VPS35L: variants seen among roughly 807,000 people sequenced by gnomAD.
VPS35L encodes the protein VPS35 endosomal protein sorting factor like.
A neutral mutation model predicts 133.0 loss-of-function variants in VPS35L; 83 were observed. The observed-to-expected ratio is 0.62, with a 90% CI of 0.52 to 0.75. The LOEUF is 0.75. Ranked by LOEUF, VPS35L falls within the 30% of genes least tolerant of loss-of-function variation. The pLI, the probability that VPS35L is intolerant of heterozygous loss-of-function variation, is 0.00. For synonymous variants in VPS35L, 423 were observed against 449.9 expected (o/e 0.94, Z 0.76); for missense variants, 1,083 against 1,206.8 (o/e 0.90, Z 1.52).
intron 26 of VPS35L, among the ~76,000 whole-genome samples, chr16:19,661,950 T>C (rs1191682839): frequency 1.3e-5 from 2 of 152,218 alleles, no homozygotes; most frequent in Non-Finnish European, 2.9e-5. Flanking sequence ...AGCAAACTTG[T>C]ATTGCCTTTG....
chr16:19,591,331 T>C (rs1176335798), intron 7 of VPS35L, among the ~76,000 whole-genome samples: 2 of 152,214 alleles, frequency 1.3e-5, no homozygotes, highest in Non-Finnish European at 2.9e-5. Flanking sequence ...TTCACTTCTC[T>C]CAGTGATTTT....
chr16:19,601,155 C>G (rs1384140305), intron 8 of VPS35L, among the ~76,000 whole-genome samples: 2 of 152,216 alleles, frequency 1.3e-5, no homozygotes, highest in Non-Finnish European at 2.9e-5. Context: ...TCTTGAACTC[C>G]TGGGCTCAAG....
At chr16:19,565,004 G>A in intron 2 of VPS35L, 54 bp downstream of exon 2, 1 of 1,372,472 alleles carries the variant, frequency 7.3e-7, no homozygotes, top group Non-Finnish European at 1.0e-6. Context: ...TGAAATGAAA[G>A]ACAATCTTCC....
chr16:19,562,172 C>T (rs762498500), intron 1 of VPS35L, among the ~76,000 whole-genome samples: 3 of 151,988 alleles, frequency 2.0e-5, no homozygotes, highest in Non-Finnish European at 4.4e-5. Flanking sequence ...CGGGGGGCTA[C>T]TATAGTGGGG....
chr16:19,640,089 C>T lies in VPS35L; in HGVS notation c.1773C>T (p.Asp591=), dbSNP rs776086893. 30 of 1,613,902 alleles carry T rather than the reference C, an allele frequency of 1.9e-5. No homozygotes were observed. In the East Asian group the frequency reaches 2.5e-4, roughly 13 times the overall value. The change falls in exon 21 of 31, where the codon GAC becomes GAT. Residue 591 remains aspartate (D), a synonymous_variant. Transcript: ENST00000417362. ...VRVEVCKCIM[D]AFIKHQQEPT... ...TGGAGGTTTGCAAATGCATCATGGA[C>T]GCCTTTATCAAGTGAGTGCCACTGC...
At chr16:19,583,897 G>A (rs899499087) in intron 7 of VPS35L, among the ~76,000 whole-genome samples, 3 of 152,006 alleles carry the variant, frequency 2.0e-5, no homozygotes, top group East Asian at 3.9e-4. Flanking sequence ...TCTAGTCGTC[G>A]CTGTTCTACT....
chr16:19,555,819 G>C, intron 1 of VPS35L, 73 bp downstream of exon 1: 1 of 1,512,824 alleles, frequency 6.6e-7, no homozygotes, highest in East Asian at 2.3e-5. Context: ...CTGGGTCTGA[G>C]AGTGTGAATT....
At chr16:19,573,474 A>G (rs549216989) in intron 4 of VPS35L, 240 of 394,610 alleles carry the variant, frequency 6.1e-4, no homozygotes, top group Non-Finnish European at 1.0e-3. Context: ...GGCACAGGCC[A>G]GAGAAAGAAT....
intron 27 of VPS35L, among the ~76,000 whole-genome samples, chr16:19,679,495 A>C (rs1357457013): frequency 7.5e-6 from 1 of 133,762 alleles, no homozygotes; most frequent in Non-Finnish European, 1.6e-5. Context: ...TTATTTATTT[A>C]TTTATTTATT....
rs1976111389 is a variant in VPS35L, at chr16:19,700,920, CAA to C, written c.*446_*447del. 1 of 159,786 alleles carries C rather than the reference CAA, an allele frequency of 6.3e-6. No homozygotes were observed. Among genetic ancestry groups the C allele is most frequent in the South Asian group, 1.8e-4 (1 of 5,432 alleles). The allele number at this position is 159,786 out of a possible 1,614,324, so 9.9% of individuals were successfully genotyped here. A position where few individuals can be genotyped will look rare whatever the true frequency, so the allele number is the denominator to read the frequency against. The stretch of plus-strand genomic sequence containing the variant: ...TTGTACCTTAAAGTTAGAGCACACC[CAA>C]AGTCTGGAACTGTGTTACCTGAACC... On this transcript the variant is annotated 3_prime_UTR_variant, in exon 31 of 31. Transcript: ENST00000417362.
chr16:19,637,610 A>C lies in VPS35L; in HGVS notation c.1652A>C (p.Lys551Thr). The change falls in exon 20 of 31, where the codon AAG (lysine) becomes ACG (threonine). Residue 551 changes from lysine to threonine, a missense_variant. Coordinates refer to ENST00000417362, the MANE Select transcript of VPS35L (RefSeq NM_020314.7). ...GTTTTACAGCTTCAGTTAATAATTA[A>C]GAAAGTTATTGCCCACTTCCATGAC... ...DSYPQLQLIIKKVIAHFHDFS... is the reference protein window; with the variant it reads ...DSYPQLQLIITKVIAHFHDFS... 3 of 1,564,462 alleles carry C rather than the reference A, an allele frequency of 1.9e-6. No individual in the cohort carries two copies. The highest frequency in any genetic ancestry group is 2.6e-6 in the Non-Finnish European group (3 of 1,149,914).
chr16:19,576,922 G>T (rs1289295884), intron 5 of VPS35L, among the ~76,000 whole-genome samples: 1 of 152,086 alleles, frequency 6.6e-6, no homozygotes, highest in East Asian at 1.9e-4. Flanking sequence ...GGCCAGGCTG[G>T]TCTCAAACTC....
At chr16:19,656,972 T>TG (rs1321945369) in intron 26 of VPS35L, among the ~76,000 whole-genome samples, 3 of 148,584 alleles carry the variant, frequency 2.0e-5, no homozygotes, top group African/African-American at 5.0e-5. Context: ...GTTTTTTTTT[T>TG]TTTTTTTTTT....
chr16:19,569,960 G>A (rs1255981184), intron 3 of VPS35L, among the ~76,000 whole-genome samples: 1 of 152,336 alleles, frequency 6.6e-6, no homozygotes. Flanking sequence ...AGTTGCACAA[G>A]TAATGCACAC....
intron 14 of VPS35L, among the ~76,000 whole-genome samples, chr16:19,620,818 G>A (rs534908083): frequency 1.8e-3 from 271 of 152,120 alleles, no homozygotes; most frequent in Non-Finnish European, 2.2e-3. Flanking sequence ...GAGTGTGGTG[G>A]CATGCGCCTG....
At chr16:19,557,064 G>A (rs1268130895) in intron 1 of VPS35L, among the ~76,000 whole-genome samples, 2 of 152,084 alleles carry the variant, frequency 1.3e-5, no homozygotes, top group South Asian at 4.2e-4. Context: ...CCTGGGAGGC[G>A]GAAGCTGGAG....
chr16:19,697,847 A>G lies in VPS35L; in HGVS notation c.2647-1655A>G, dbSNP rs1975970392. Among the ~76,000 whole-genome samples the G allele has an allele frequency of 2.0e-5, 3 of 152,226 alleles. No individual in the cohort carries two copies. The South Asian group carries it at 6.2e-4, about 32-fold the overall frequency. ...TGGAGAGGGCTGTGAGTACGAGCAC[A>G]GGCTCTGGAGTCAGAGAGCTGGAGC... On this transcript the variant is annotated intron_variant, in intron 29 of 30. Transcript: ENST00000417362.
chr16:19,619,164 C>T (rs977646351), intron 14 of VPS35L, among the ~76,000 whole-genome samples: 1 of 151,800 alleles, frequency 6.6e-6, no homozygotes, highest in Non-Finnish European at 1.5e-5. Context: ...AACTCCTGGC[C>T]TCAAGTGATC....
Position 19,647,808 on chromosome 16 carries a change from C to T in VPS35L, c.1954C>T (p.Gln652Ter). 6.2e-7 allele frequency: 1 copy of T among 1,614,120 alleles called. No homozygotes were observed. Among genetic ancestry groups the T allele is most frequent in the Non-Finnish European group, 8.5e-7 (1 of 1,180,016 alleles). ...KMVSFGRDFE[Q>*]QLSFYVESRS... The stretch of plus-strand genomic sequence containing the variant: ...GGTTTCCTTTGGCCGTGATTTTGAA[C>T]AACAGCTGAGTTTTTATGTTGAGTC... The change falls in exon 24 of 31, where the codon CAA becomes TAA. Residue 652 changes from glutamine to a stop codon, truncating the protein, a stop_gained. Coordinates refer to ENST00000417362, the MANE Select transcript of VPS35L (RefSeq NM_020314.7). LOFTEE classifies it high-confidence loss of function.
Sources: allele counts gnomAD v4.1 joint callset (sites outside exome capture counted in the v4.1 genomes callset), GRCh38; gene constraint gnomAD v4.1.1; transcripts MANE v1.5; gene names NCBI Gene and HGNC (gene_info 2026-07-23, HGNC 2026-07-21).